Variants in CFAP44 observed in about 807,000 individuals in gnomAD.
CFAP44 encodes the protein cilia and flagella associated protein 44.
A neutral mutation model predicts 216.2 loss-of-function variants in CFAP44; 134 were observed. The ratio of observed to expected loss-of-function variants is 0.62; its 90% CI spans 0.54 to 0.72. CFAP44 has a LOEUF of 0.72. CFAP44 is among the 30% of genes least tolerant of loss of function. The pLI, the probability that CFAP44 is intolerant of heterozygous loss-of-function variation, is 0.00. For missense variants in CFAP44, 2,035 were observed against 2,182.1 expected (o/e 0.93, Z 1.34); for synonymous variants, 700 against 727.6 (o/e 0.96, Z 0.61).
chr3:113,363,373 G>A (rs567199725), intron 20 of CFAP44, 66 bp from the exon 21 acceptor site: 1 of 1,566,558 alleles, frequency 6.4e-7, no homozygotes, highest in African/African-American at 1.4e-5. Flanking sequence ...GAGAAAATTA[G>A]TATTCAATAA....
At chr3:113,395,653 G>A (rs1229020910) in intron 15 of CFAP44, 97 bp downstream of exon 15, 3 of 1,063,394 alleles carry the variant, frequency 2.8e-6, no homozygotes, top group Non-Finnish European at 4.1e-6. Context: ...GGAACCAGGA[G>A]TGGGCTAAAA....
chr3:113,312,570 G>T (rs1229939583), intron 28 of CFAP44, among the ~76,000 whole-genome samples: 2 of 152,128 alleles, frequency 1.3e-5, no homozygotes, highest in Admixed American at 1.3e-4. Flanking sequence ...CCAAGACAAT[G>T]GGGAATATAT....
intron 15 of CFAP44, among the ~76,000 whole-genome samples, chr3:113,385,732 C>T (rs931829865): frequency 5.9e-5 from 9 of 151,902 alleles, no homozygotes; most frequent in Non-Finnish European, 7.4e-5. Context: ...CTCTGCCTCC[C>T]GGGTTCAAGC....
At chr3:113,326,019 T>C (rs1950186303) in intron 28 of CFAP44, among the ~76,000 whole-genome samples, 1 of 152,162 alleles carries the variant, frequency 6.6e-6, no homozygotes, top group Admixed American at 6.5e-5. Flanking sequence ...GAAAAAATAT[T>C]TGCAAACCAC....
intron 23 of CFAP44, among the ~76,000 whole-genome samples, chr3:113,342,568 G>A (rs998003845): frequency 6.6e-6 from 1 of 151,030 alleles, no homozygotes; most frequent in African/African-American, 2.4e-5. Flanking sequence ...AGATGATGGT[G>A]GGGAAAAGGA....
At chr3:113,373,617 A>C in intron 17 of CFAP44, 61 bp from the exon 18 acceptor site, 1 of 1,334,896 alleles carries the variant, frequency 7.5e-7, no homozygotes, top group South Asian at 2.2e-5. Flanking sequence ...TAAATGCATG[A>C]GAATTTTTTG....
intron 28 of CFAP44, among the ~76,000 whole-genome samples, chr3:113,321,523 C>G (rs1236436807): frequency 6.6e-6 from 1 of 152,108 alleles, no homozygotes; most frequent in African/African-American, 2.4e-5. Flanking sequence ...TTAGCCAGAG[C>G]AATCTGGCAA....
In CFAP44 at chr3:113,327,571, A is replaced by G. The variant is rs1950199379; in HGVS notation, c.4320+45T>C. The G allele has an allele frequency of 4.0e-6, 6 of 1,484,328 alleles. No individual in the cohort carries two copies. The South Asian group carries it at 6.3e-5, about 16-fold the overall frequency. 91.9% of individuals were successfully genotyped at this position (1,484,328 alleles called of 1,614,324 possible). On this transcript the variant is annotated intron_variant, in intron 27 of 34. Transcript: ENST00000393845. ...GAAGAAAAAGAAATCAAGTTTCTCC[A>G]TAACTAAGGGACCAGCCAGCTAGGA...
At chr3:113,298,643 T>C (rs552358029) in intron 32 of CFAP44, among the ~76,000 whole-genome samples, 4 of 152,370 alleles carry the variant, frequency 2.6e-5, no homozygotes, top group African/African-American at 9.6e-5. Flanking sequence ...TATAATGGAA[T>C]ATTATTTGCC....
intron 17 of CFAP44, among the ~76,000 whole-genome samples, chr3:113,374,632 C>T (rs185081844): frequency 8.9e-4 from 135 of 152,080 alleles, no homozygotes; most frequent in Non-Finnish European, 1.4e-3. Context: ...ATCCAAGTGT[C>T]TATTTTTGTG....
chr3:113,395,908 T>G, intron 14 of CFAP44, 48 bp from the exon 15 acceptor site: 1 of 1,403,576 alleles, frequency 7.1e-7, no homozygotes, highest in Non-Finnish European at 1.0e-6. Flanking sequence ...CTATGAAATC[T>G]AGCCTATAGA....
At chr3:113,391,468 C>G (rs1218194072) in intron 15 of CFAP44, among the ~76,000 whole-genome samples, 1 of 152,110 alleles carries the variant, frequency 6.6e-6, no homozygotes, top group Non-Finnish European at 1.5e-5. Flanking sequence ...CAAGCACAGG[C>G]AACCAAAGCG....
intron 16 of CFAP44, 28 bp downstream of exon 16, chr3:113,380,870 TA>T: frequency 6.7e-7 from 1 of 1,497,852 alleles, no homozygotes. Context: ...GAAATTATTA[TA>T]AGATAATGCT....
intron 21 of CFAP44, 100 bp downstream of exon 21, chr3:113,363,045 A>G (rs1576570966): frequency 7.1e-7 from 1 of 1,404,460 alleles, no homozygotes; most frequent in East Asian, 2.6e-5. Context: ...CAAACAAAAA[A>G]GAAAGATGAT....
chr3:113,352,231 T>C lies in CFAP44; in HGVS notation c.3065+6514A>G, dbSNP rs923371280. On this transcript the variant is annotated intron_variant, in intron 22 of 34. Coordinates refer to ENST00000393845, the MANE Select transcript of CFAP44 (RefSeq NM_001164496.2). ...GTAAAATGGACCAATCAGCGCTCTG[T>C]AAAATGGACCAATCAGCAGCATGTG... is the stretch of plus-strand genomic sequence containing the variant. 1.6e-4 allele frequency among the ~76,000 whole-genome samples: 24 copies of C among 152,142 alleles called. 1 individual carries two copies. The highest frequency in any genetic ancestry group is 8.8e-5 in the Non-Finnish European group (6 of 68,024).
chr3:113,370,380 C>A (rs1301783230), intron 18 of CFAP44, among the ~76,000 whole-genome samples: 1 of 152,214 alleles, frequency 6.6e-6, no homozygotes, highest in Non-Finnish European at 1.5e-5. Context: ...AGCTTATCCA[C>A]CACAATCCAG....
chr3:113,401,863 T>G (rs1934152387), intron 9 of CFAP44, 124 bp from the exon 10 acceptor site: 1 of 1,059,706 alleles, frequency 9.4e-7, no homozygotes, highest in South Asian at 1.8e-5. Context: ...AAAGTAACAA[T>G]GAACAAGTGT....
At chr3:113,373,608 A>C in intron 17 of CFAP44, 52 bp from the exon 18 acceptor site, 6 of 1,379,594 alleles carry the variant, frequency 4.3e-6, no homozygotes, top group Non-Finnish European at 5.7e-6. Context: ...TAACACACAT[A>C]AATGCATGAG....
At chr3:113,408,243 T>A (rs1374466861) in intron 7 of CFAP44, among the ~76,000 whole-genome samples, 1 of 151,864 alleles carries the variant, frequency 6.6e-6, no homozygotes, top group East Asian at 1.9e-4. Flanking sequence ...TGAGACAAAG[T>A]GGAAGAAAGA....
Sources: allele counts gnomAD v4.1 joint callset (sites outside exome capture counted in the v4.1 genomes callset), GRCh38; gene constraint gnomAD v4.1.1; transcripts MANE v1.5; gene names NCBI Gene and HGNC (gene_info 2026-07-23, HGNC 2026-07-21).